ARL13B: variants seen among roughly 807,000 people sequenced by gnomAD.
The protein encoded by ARL13B is ARF like GTPase 13B, also known as ADP-ribosylation factor-like protein 13B.
ARL13B carries 36 observed loss-of-function variants against 56.1 expected under a neutral mutation model. The ratio of observed to expected loss-of-function variants is 0.64; its 90% CI spans 0.49 to 0.85. The LOEUF is 0.85. Among genes scored for constraint, ARL13B ranks in the 40% least tolerant of loss-of-function variants. The pLI is 0.00. For synonymous variants in ARL13B, 178 were observed against 171.1 expected, an observed-to-expected ratio of 1.04 and a Z score of -0.32; for missense variants, 519 against 507.1, an observed-to-expected ratio of 1.02 and a Z score of -0.23.
At chr3:94,015,075 T>C in intron 3 of ARL13B, 1 of 1,613,954 alleles carries the variant, frequency 6.2e-7, no homozygotes, top group East Asian at 2.2e-5. Context: ...GAACATTATC[T>C]GCCAAATTGT....
chr3:93,980,610 A>G lies in ARL13B; in HGVS notation c.59+128A>G, dbSNP rs527547158. ...GGCCGCAAGGGATGCTTTCATTCCC[A>G]GGGTGTCCCGGGAGGGAGAGATTGG... On this transcript the variant is annotated intron_variant, in intron 1 of 9. Transcript: ENST00000394222. 88 of 1,168,162 alleles carry G rather than the reference A, an allele frequency of 7.5e-5. No homozygotes were observed. In the African/African-American group the frequency reaches 9.7e-4, roughly 13 times the overall value. 72.4% of individuals were successfully genotyped at this position (1,168,162 alleles called of 1,614,324 possible).
At chr3:93,996,090 G>T in intron 2 of ARL13B, 146 bp downstream of exon 2, 1 of 841,032 alleles carries the variant, frequency 1.2e-6, no homozygotes, top group Non-Finnish European at 1.9e-6. Context: ...TGTGACTCTT[G>T]TGGCGAATAG....
In ARL13B at chr3:93,980,380, C is replaced by G; in HGVS notation, c.-44C>G. ...CCGGGGAAGAGCGGGGTGCCGGTGTCCGCTCCGGGCTCGGATGGGAAGTGG... is the reference window on the plus strand; with the variant it reads ...CCGGGGAAGAGCGGGGTGCCGGTGTGCGCTCCGGGCTCGGATGGGAAGTGG... On this transcript the variant is annotated 5_prime_UTR_variant, in exon 1 of 10. Transcript: ENST00000394222. 1 of 1,608,102 alleles carries G rather than the reference C, an allele frequency of 6.2e-7. No homozygotes were observed. Among genetic ancestry groups the G allele is most frequent in the Non-Finnish European group, 8.5e-7 (1 of 1,179,448 alleles).
At chr3:93,983,709 T>A (rs528156038) in intron 1 of ARL13B, among the ~76,000 whole-genome samples, 1 of 152,268 alleles carries the variant, frequency 6.6e-6, no homozygotes, top group East Asian at 1.9e-4. Flanking sequence ...TCCTTGCGCA[T>A]TTTTGTTTCT....
Position 94,055,258 on chromosome 3 carries a change from CAAT to C in ARL13B, c.*1998_*2000del, listed in dbSNP as rs1354882706. 1.2e-5 allele frequency: 5 copies of C among 413,384 alleles called. No homozygotes were observed. The highest frequency in any genetic ancestry group is 4.2e-5 in the African/African-American group (2 of 47,894). 25.6% of individuals were successfully genotyped at this position (413,384 alleles called of 1,614,324 possible). A position where few individuals can be genotyped will look rare whatever the true frequency, so the allele number is the denominator to read the frequency against. On this transcript the variant is annotated 3_prime_UTR_variant, in exon 10 of 10. Coordinates refer to ENST00000394222, the MANE Select transcript of ARL13B (RefSeq NM_001174150.2). ...AATTCTGAATTTTGACATTTTCACA[CAAT>C]AAAAATAATTTATATCAATATTCTG...
intron 3 of ARL13B, 41 bp from the exon 4 acceptor site, chr3:94,035,290 T>G: frequency 7.9e-7 from 1 of 1,257,998 alleles, no homozygotes. Flanking sequence ...TTCCATCCAA[T>G]TATATATATG....
At chr3:94,014,894 A>G in intron 3 of ARL13B, 1 of 1,613,770 alleles carries the variant, frequency 6.2e-7, no homozygotes, top group Non-Finnish European at 8.5e-7. Flanking sequence ...ACCACTGAAG[A>G]TGGACCATTT....
At chr3:94,004,259 C>T (rs949292503) in intron 3 of ARL13B, among the ~76,000 whole-genome samples, 2 of 151,922 alleles carry the variant, frequency 1.3e-5, no homozygotes, top group Non-Finnish European at 2.9e-5. Flanking sequence ...TTGTATTTTG[C>T]TTTTGTCCTT....
chr3:94,016,773 A>G (rs982354069), intron 3 of ARL13B, among the ~76,000 whole-genome samples: 4 of 151,504 alleles, frequency 2.6e-5, no homozygotes, highest in African/African-American at 4.9e-5. Context: ...CAGCCTCCTG[A>G]GTAGCTGGGA....
At chr3:93,985,029 C>T (rs1710382395) in intron 1 of ARL13B, among the ~76,000 whole-genome samples, 1 of 151,540 alleles carries the variant, frequency 6.6e-6, no homozygotes, top group Admixed American at 6.6e-5. Context: ...ATCAATCAAT[C>T]AATCAATAAG....
chr3:94,054,265 C>G lies in ARL13B; in HGVS notation c.*1002C>G, dbSNP rs779000005. The G allele has an allele frequency of 6.6e-6, 3 of 452,020 alleles. No homozygotes were observed. Among genetic ancestry groups the G allele is most frequent in the South Asian group, 4.7e-5 (3 of 63,954 alleles). 28.0% of individuals were successfully genotyped at this position (452,020 alleles called of 1,614,324 possible). A position where few individuals can be genotyped will look rare whatever the true frequency, so the allele number is the denominator to read the frequency against. On this transcript the variant is annotated 3_prime_UTR_variant, in exon 10 of 10. Transcript: ENST00000394222. ...AGGTCCAGAGACTTCTGTTTTACAA[C>G]TGGGAAACAGCTTGTGTACTAAAGT...
chr3:94,014,480 T>A, intron 3 of ARL13B: 1 of 1,608,918 alleles, frequency 6.2e-7, no homozygotes, highest in Non-Finnish European at 8.5e-7. Flanking sequence ...TTCTCTTTAG[T>A]ATTGTTAACA....
intron 3 of ARL13B, among the ~76,000 whole-genome samples, chr3:94,025,628 T>G (rs986419282): frequency 6.6e-6 from 1 of 152,222 alleles, no homozygotes; most frequent in African/African-American, 2.4e-5. Context: ...ACAAGAATGC[T>G]CTGAGTGTCC....
At position 94,003,718 on chromosome 3, in the gene ARL13B, A is replaced by G; in HGVS notation, c.190A>G (p.Lys64Glu). The change falls in exon 3 of 10, where the codon AAG becomes GAG. Residue 64 changes from lysine (K) to glutamate (E), a missense_variant. By Grantham distance (56) the Lys-to-Glu change is moderately conservative. Transcript: ENST00000394222. Reference sequence around the variant, plus strand: ...TTCAAAAATTAACCTTAGACAAGGAAAGTTTGAAGTCACCATCTTTGACTT... The same window carrying G: ...TTCAAAAATTAACCTTAGACAAGGAGAGTTTGAAGTCACCATCTTTGACTT... Reference protein sequence around the residue: ...GFSKINLRQGKFEVTIFDLGG... With the variant: ...GFSKINLRQGEFEVTIFDLGG... The G allele has an allele frequency of 6.2e-7, 1 of 1,613,596 alleles. No individual in the cohort carries two copies. The highest frequency in any genetic ancestry group is 1.1e-5 in the South Asian group (1 of 91,054).
At position 94,035,412 on chromosome 3, in the gene ARL13B, T is replaced by C. The variant is rs765762647; in HGVS notation, c.462T>C (p.Asn154=). 5 of 1,602,788 alleles carry C rather than the reference T, an allele frequency of 3.1e-6. No homozygotes were observed. In the East Asian group the frequency reaches 9.0e-5, roughly 29 times the overall value. Residue 154 remains asparagine, a synonymous_variant, in exon 4 of 10, where the codon AAT becomes AAC. Coordinates refer to ENST00000394222, the MANE Select transcript of ARL13B (RefSeq NM_001174150.2). Reference sequence around the variant, plus strand: ...GTCTATCTCTGGAAAAATTGGTCAATGAGCACAAGTGCCTGTGTCAGATAG... The same window carrying C: ...GTCTATCTCTGGAAAAATTGGTCAACGAGCACAAGTGCCTGTGTCAGATAG... ...IECLSLEKLV[N]EHKCLCQIEP... is the part of the protein sequence containing the mutation.
chr3:93,988,790 T>G, intron 1 of ARL13B: 1 of 403,550 alleles, frequency 2.5e-6, no homozygotes, highest in East Asian at 7.3e-5. Context: ...GTTTGCATTT[T>G]TTTTTTTTTT....
chr3:94,009,679 G>T (rs545901577), intron 3 of ARL13B, among the ~76,000 whole-genome samples: 46 of 152,054 alleles, frequency 3.0e-4, no homozygotes, highest in Non-Finnish European at 6.2e-4. Context: ...AATTTATAAG[G>T]TCTATTGGCT....
intron 3 of ARL13B, among the ~76,000 whole-genome samples, chr3:94,007,680 C>A (rs1191977629): frequency 6.6e-6 from 1 of 152,082 alleles, no homozygotes; most frequent in African/African-American, 2.4e-5. Flanking sequence ...AAATCATCTC[C>A]CACCAGGTCC....
intron 3 of ARL13B, among the ~76,000 whole-genome samples, chr3:94,013,560 C>T (rs1022635168): frequency 9.9e-5 from 15 of 152,206 alleles, no homozygotes; most frequent in Non-Finnish European, 1.0e-4. Flanking sequence ...AAGCTAGATT[C>T]AGCTCCCAGT....
Sources: gnomAD v4.1 joint callset for allele counts (sites outside exome capture counted in the v4.1 genomes callset) on GRCh38, gnomAD v4.1.1 for gene constraint, MANE v1.5 for transcripts, NCBI Gene and HGNC (gene_info 2026-07-23, HGNC 2026-07-21) for gene names.